The following GLDN variants were observed in gnomAD, a reference collection of about 807,000 sequenced individuals.
GLDN encodes the protein collomin.
A neutral mutation model predicts 56.5 loss-of-function variants in GLDN; 47 were observed. That is an observed-to-expected ratio of 0.83 (90% CI 0.66 to 1.06). The LOEUF (loss-of-function observed/expected upper bound fraction) is 1.06, where lower values mean the gene tolerates loss of function less well. GLDN is among the 50% of genes least tolerant of loss of function. The pLI, the probability that GLDN is intolerant of heterozygous loss-of-function variation, is 0.00. For synonymous variants in GLDN, 332 were observed against 278.8 expected, an observed-to-expected ratio of 1.19 and a Z score of -1.90; for missense variants, 782 against 714.3, an observed-to-expected ratio of 1.09 and a Z score of -1.08.
intron 7 of GLDN, 32 bp downstream of exon 7, chr15:51,400,307 CA>C: frequency 6.2e-7 from 1 of 1,614,026 alleles, no homozygotes; most frequent in Non-Finnish European, 8.5e-7. Context: ...TCTTGAAATT[CA>C]GAAATTGAAT....
chr15:51,392,844 G>T (rs1269529563), intron 4 of GLDN, among the ~76,000 whole-genome samples: 1 of 151,444 alleles, frequency 6.6e-6, no homozygotes, highest in Admixed American at 6.6e-5. Context: ...GATTCCTTGA[G>T]ATTTTCTACA....
chr15:51,345,341 C>T (rs549431163), intron 1 of GLDN, among the ~76,000 whole-genome samples: 11 of 152,266 alleles, frequency 7.2e-5, no homozygotes, highest in East Asian at 1.9e-4. Context: ...CTGGTGATTA[C>T]GTATCCATGA....
At chr15:51,357,654 C>T (rs1321673053) in intron 1 of GLDN, among the ~76,000 whole-genome samples, 5 of 152,166 alleles carry the variant, frequency 3.3e-5, no homozygotes, top group African/African-American at 9.7e-5. Flanking sequence ...TGACTAGAGG[C>T]GGAAAACTGT....
At chr15:51,373,367 A>T (rs1345610054) in intron 1 of GLDN, among the ~76,000 whole-genome samples, 4 of 152,196 alleles carry the variant, frequency 2.6e-5, no homozygotes, top group African/African-American at 9.7e-5. Flanking sequence ...GCATCCCTCA[A>T]ATACTGTATT....
chr15:51,344,585 T>A (rs1251299209), intron 1 of GLDN, among the ~76,000 whole-genome samples: 1 of 152,164 alleles, frequency 6.6e-6, no homozygotes, highest in Non-Finnish European at 1.5e-5. Flanking sequence ...AGGTGAAGGC[T>A]ACACCTTCCC....
chr15:51,373,523 A>G (rs1213165507), intron 1 of GLDN, among the ~76,000 whole-genome samples: 4 of 152,272 alleles, frequency 2.6e-5, no homozygotes, highest in African/African-American at 9.6e-5. Flanking sequence ...GATAAGTGCT[A>G]CAAAGACAAA....
chr15:51,377,049 C>A (rs572931860), intron 1 of GLDN, among the ~76,000 whole-genome samples: 1 of 152,280 alleles, frequency 6.6e-6, no homozygotes, highest in East Asian at 1.9e-4. Context: ...AAAAGGATAA[C>A]ATAGTAAATG....
intron 1 of GLDN, among the ~76,000 whole-genome samples, chr15:51,354,348 C>T (rs1390653371): frequency 6.6e-6 from 1 of 152,118 alleles, no homozygotes; most frequent in African/African-American, 2.4e-5. Context: ...AGTCTGGTAT[C>T]CTTTTTACTG....
chr15:51,386,855 C>T (rs2037906494), intron 4 of GLDN, among the ~76,000 whole-genome samples: 1 of 152,102 alleles, frequency 6.6e-6, no homozygotes, highest in African/African-American at 2.4e-5. Flanking sequence ...GTAAGCTGCT[C>T]CTGCCTGAGG....
At chr15:51,358,649 C>T (rs75043276) in intron 1 of GLDN, among the ~76,000 whole-genome samples, 17,818 of 152,232 alleles carry the variant, frequency 0.12, 1,185 homozygotes, top group South Asian at 0.24. Context: ...GGCTAGTGCT[C>T]ACTAGGGGAT....
intron 9 of GLDN, among the ~76,000 whole-genome samples, chr15:51,403,240 T>G (rs2038294216): frequency 6.6e-6 from 1 of 152,182 alleles, no homozygotes. Flanking sequence ...CACCAAGGAA[T>G]GCAGCTGTGA....
chr15:51,404,186 C>A, intron 9 of GLDN, 91 bp from the exon 10 acceptor site: 1 of 965,548 alleles, frequency 1.0e-6, no homozygotes, highest in East Asian at 2.4e-5. Flanking sequence ...CACCCCAGAC[C>A]CACTAACTCA....
chr15:51,376,907 C>T (rs964238078), intron 1 of GLDN, among the ~76,000 whole-genome samples: 1 of 152,150 alleles, frequency 6.6e-6, no homozygotes, highest in Non-Finnish European at 1.5e-5. Flanking sequence ...TCTGGAATAC[C>T]TCCTGAAGAC....
chr15:51,375,777 T>A (rs1425292560), intron 1 of GLDN, among the ~76,000 whole-genome samples: 1 of 152,148 alleles, frequency 6.6e-6, no homozygotes, highest in Non-Finnish European at 1.5e-5. Context: ...CAAGGCCAGG[T>A]GCTTATATTA....
At chr15:51,412,685 G>GT (rs201755677), downstream of GLDN, among the ~76,000 whole-genome samples, 353 of 151,748 alleles carry the variant, frequency 2.3e-3, no homozygotes, top group Middle Eastern at 0.021. Flanking sequence ...TAAGCTTTGT[G>GT]TTTTTTTTCT....
In GLDN at chr15:51,407,154, T is replaced by C. The variant is rs1473315056; in HGVS notation, c.*2400T>C. On this transcript the variant is annotated 3_prime_UTR_variant, in exon 10 of 10. Transcript: ENST00000335449. ...GGAGAAGCTTACACCGGGACTTTTT[T>C]TCTTTTTTCTTTTTTTTTTGCTATG... is the stretch of plus-strand genomic sequence containing the variant. 1 of 151,970 alleles carries C rather than the reference T, an allele frequency of 6.6e-6. No homozygotes were observed. The highest frequency in any genetic ancestry group is 1.5e-5 in the Non-Finnish European group (1 of 68,020). The allele number at this position is 151,970 out of a possible 1,614,324, so 9.4% of individuals were successfully genotyped here.
rs751337821 is a variant in GLDN at position 51,383,419 on chromosome 15, T to A, written c.416-17T>A. ...GTTCGGTGCTGGTTTCTCAACTAAA[T>A]TTTTTTTCCGTTGTAGGACCTTCTG... On this transcript the variant is annotated splice_polypyrimidine_tract_variant and intron_variant, in intron 2 of 9. Transcript: ENST00000335449. 6.2e-7 allele frequency: 1 copy of A among 1,612,460 alleles called. No individual in the cohort carries two copies. Among genetic ancestry groups the A allele is most frequent in the South Asian group, 1.1e-5 (1 of 90,912 alleles).
intron 1 of GLDN, among the ~76,000 whole-genome samples, chr15:51,362,492 A>G (rs1363235278): frequency 8.6e-6 from 1 of 116,954 alleles, no homozygotes; most frequent in East Asian, 2.5e-4. Flanking sequence ...CTTAAAAAAA[A>G]AAAAAAAAAA....
intron 1 of GLDN, among the ~76,000 whole-genome samples, chr15:51,371,925 T>C (rs996048534): frequency 6.6e-6 from 1 of 152,210 alleles, no homozygotes; most frequent in Non-Finnish European, 1.5e-5. Context: ...CCTCAGGTGA[T>C]CCACCCACCC....
Sources: allele counts gnomAD v4.1 joint callset (sites outside exome capture counted in the v4.1 genomes callset), GRCh38; gene constraint gnomAD v4.1.1; transcripts MANE v1.5; gene names NCBI Gene and HGNC (gene_info 2026-07-23, HGNC 2026-07-21).